The following DGKI variants were observed in gnomAD, a reference collection of about 807,000 sequenced individuals.
DGKI encodes the protein diacylglycerol kinase iota.
In DGKI, 55 loss-of-function variants were observed where a neutral mutation model predicts 147.5. That is an observed-to-expected ratio of 0.37 (90% CI 0.30 to 0.47). The LOEUF (loss-of-function observed/expected upper bound fraction) is 0.47, where lower values mean the gene tolerates loss of function less well. Ranked by LOEUF, DGKI falls within the 20% of genes least tolerant of loss-of-function variation. The pLI is 1.00. For missense variants in DGKI, 1,007 were observed against 1,323.8 expected (o/e 0.76, Z 3.71); for synonymous variants, 469 against 477.1 (o/e 0.98, Z 0.22).
At chr7:137,683,451 C>G (rs1823308809) in intron 2 of DGKI, among the ~76,000 whole-genome samples, 1 of 152,164 alleles carries the variant, frequency 6.6e-6, no homozygotes, top group Admixed American at 6.5e-5. Flanking sequence ...CCACAGCTCA[C>G]TGCAGCCTCA....
intron 1 of DGKI, among the ~76,000 whole-genome samples, chr7:137,840,977 A>C (rs886694177): frequency 6.6e-6 from 1 of 152,220 alleles, no homozygotes; most frequent in African/African-American, 2.4e-5. Flanking sequence ...CCTTTAAATA[A>C]AGTAACTCAT....
intron 28 of DGKI, among the ~76,000 whole-genome samples, chr7:137,437,830 C>T (rs7780901): frequency 0.012 from 1,851 of 151,924 alleles, 35 homozygotes; most frequent in African/African-American, 0.042. Flanking sequence ...TACAGGGAGA[C>T]GACAGACTTT....
chr7:137,564,572 T>A (rs552880796), intron 19 of DGKI, among the ~76,000 whole-genome samples: 1 of 138,234 alleles, frequency 7.2e-6, no homozygotes, highest in Admixed American at 6.9e-5. Flanking sequence ...TGACTTCTTT[T>A]AAAAAAAACA....
At chr7:137,769,822 A>G (rs1288124821) in intron 1 of DGKI, among the ~76,000 whole-genome samples, 1 of 152,236 alleles carries the variant, frequency 6.6e-6, no homozygotes, top group African/African-American at 2.4e-5. Context: ...GTCAGGAAAC[A>G]ATAGATGCTG....
At chr7:137,664,733 G>T (rs138572007) in intron 3 of DGKI, among the ~76,000 whole-genome samples, 123 of 152,254 alleles carry the variant, frequency 8.1e-4, no homozygotes, top group Admixed American at 3.8e-3. Flanking sequence ...CAGACACCGT[G>T]CCCAGCCCTG....
At chr7:137,679,258 A>AT (rs1823145983) in intron 2 of DGKI, among the ~76,000 whole-genome samples, 2 of 152,152 alleles carry the variant, frequency 1.3e-5, no homozygotes, top group Non-Finnish European at 1.5e-5. Context: ...TTACTTCTCA[A>AT]TTTTTCAAAC....
intron 20 of DGKI, 92 bp from the exon 21 acceptor site, chr7:137,522,058 A>G (rs1816981188): frequency 4.6e-6 from 4 of 867,782 alleles, no homozygotes; most frequent in Non-Finnish European, 7.2e-6. Context: ...TTGTCTCTTC[A>G]TGTTTAGAAG....
At chr7:137,445,765 A>G (rs1315973689) in intron 27 of DGKI, among the ~76,000 whole-genome samples, 1 of 152,248 alleles carries the variant, frequency 6.6e-6, no homozygotes, top group East Asian at 1.9e-4. Flanking sequence ...AGTCCTAGAG[A>G]CTTGAAAGTG....
chr7:137,392,576 G>A (rs1811404282), intron 32 of DGKI, among the ~76,000 whole-genome samples: 1 of 152,132 alleles, frequency 6.6e-6, no homozygotes, highest in Admixed American at 6.5e-5. Context: ...CTGGGGAGAG[G>A]ACAAAAGGGA....
chr7:137,700,382 G>A (rs957372791), intron 1 of DGKI, among the ~76,000 whole-genome samples: 1 of 152,214 alleles, frequency 6.6e-6, no homozygotes, highest in African/African-American at 2.4e-5. Context: ...CAGATGAATG[G>A]TTGTCTTGGT....
chr7:137,582,537 A>G (rs761667615), intron 14 of DGKI, among the ~76,000 whole-genome samples: 1 of 152,080 alleles, frequency 6.6e-6, no homozygotes, highest in Non-Finnish European at 1.5e-5. Context: ...CTAGAGAGAA[A>G]AACAACAACA....
intron 2 of DGKI, among the ~76,000 whole-genome samples, chr7:137,684,756 G>A (rs1197030442): frequency 2.0e-5 from 3 of 152,136 alleles, no homozygotes; most frequent in East Asian, 1.9e-4. Context: ...CTCATTTATC[G>A]ATTAATCTGA....
chr7:137,535,304 T>C (rs561680271), intron 20 of DGKI, among the ~76,000 whole-genome samples: 17 of 152,262 alleles, frequency 1.1e-4, no homozygotes, highest in African/African-American at 3.6e-4. Flanking sequence ...CTCTGCCAAT[T>C]TGATATCCCC....
chr7:137,802,417 T>G (rs1040298472), intron 1 of DGKI, among the ~76,000 whole-genome samples: 3 of 152,230 alleles, frequency 2.0e-5, no homozygotes, highest in African/African-American at 7.2e-5. Context: ...GGAATTATTC[T>G]TTTCCAGCTG....
chr7:137,539,509 C>T (rs1817620446), intron 20 of DGKI, among the ~76,000 whole-genome samples: 1 of 152,016 alleles, frequency 6.6e-6, no homozygotes, highest in Admixed American at 6.6e-5. Context: ...TAGAACTCCA[C>T]CCAGATCCCA....
At chr7:137,510,350 A>G (rs1486081385) in intron 21 of DGKI, among the ~76,000 whole-genome samples, 2 of 152,262 alleles carry the variant, frequency 1.3e-5, no homozygotes, top group Non-Finnish European at 2.9e-5. Flanking sequence ...CCTGGTGTTA[A>G]ATGTGATATA....
At chr7:137,719,821 C>T (rs569410955) in intron 1 of DGKI, among the ~76,000 whole-genome samples, 17 of 152,134 alleles carry the variant, frequency 1.1e-4, no homozygotes, top group Non-Finnish European at 1.8e-4. Context: ...AATTTTACCA[C>T]TGCAACTATA....
intron 30 of DGKI, among the ~76,000 whole-genome samples, chr7:137,398,392 G>T (rs993340592): frequency 6.6e-6 from 1 of 152,164 alleles, no homozygotes; most frequent in Non-Finnish European, 1.5e-5. Context: ...CTAGCATTGT[G>T]TCATTCCTTG....
At chr7:137,457,411 G>A (rs1814246835) in intron 27 of DGKI, among the ~76,000 whole-genome samples, 1 of 152,126 alleles carries the variant, frequency 6.6e-6, no homozygotes, top group South Asian at 2.1e-4. Context: ...TTCACAATAA[G>A]CACAATTACC....
Sources: gnomAD v4.1 joint callset for allele counts (sites outside exome capture counted in the v4.1 genomes callset) on GRCh38, gnomAD v4.1.1 for gene constraint, MANE v1.5 for transcripts, NCBI Gene and HGNC (gene_info 2026-07-23, HGNC 2026-07-21) for gene names.